MLXIP: variants seen among roughly 807,000 people sequenced by gnomAD.
The protein encoded by MLXIP is MLX interacting protein, also known as MLX-interacting protein.
In MLXIP, 30 loss-of-function variants were observed where a neutral mutation model predicts 87.2. The observed-to-expected ratio is 0.34, with a 90% confidence interval of 0.26 to 0.47. MLXIP has a LOEUF of 0.47. Among genes scored for constraint, MLXIP ranks in the 20% least tolerant of loss-of-function variants. MLXIP has a pLI of 1.00. For missense variants in MLXIP, 1,002 were observed against 1,240.1 expected (o/e 0.81, Z 2.88); for synonymous variants, 530 against 514.0 (o/e 1.03, Z -0.42).
chr12:122,104,163 G>A (rs895569455), intron 1 of MLXIP, among the ~76,000 whole-genome samples: 1 of 152,128 alleles, frequency 6.6e-6, no homozygotes, highest in Admixed American at 6.6e-5. Context: ...CTCTATTAAG[G>A]TATAATATGT....
chr12:122,091,012 T>A, intron 1 of MLXIP, among the ~76,000 whole-genome samples: 1 of 151,972 alleles, frequency 6.6e-6, no homozygotes, highest in East Asian at 1.9e-4. Context: ...GAGGCTGTGA[T>A]GAAAATGTTC....
chr12:122,129,251 G>A, intron 4 of MLXIP, 25 bp downstream of exon 4: 1 of 1,580,152 alleles, frequency 6.3e-7, no homozygotes, highest in Non-Finnish European at 8.6e-7. Context: ...TGTTCAGGCA[G>A]CCCGCCTAGG....
intron 1 of MLXIP, among the ~76,000 whole-genome samples, chr12:122,113,395 G>A (rs754642709): frequency 3.3e-5 from 5 of 151,860 alleles, no homozygotes. Flanking sequence ...AGCCTCCCGA[G>A]TAGCTGGGAC....
intron 15 of MLXIP, among the ~76,000 whole-genome samples, chr12:122,140,053 G>T (rs1953169937): frequency 6.6e-6 from 1 of 152,170 alleles, no homozygotes; most frequent in South Asian, 2.1e-4. Flanking sequence ...GCCTGCCCTG[G>T]TCCTGATCCC....
intron 1 of MLXIP, among the ~76,000 whole-genome samples, chr12:122,126,853 G>A (rs988491560): frequency 6.6e-6 from 1 of 152,204 alleles, no homozygotes; most frequent in Non-Finnish European, 1.5e-5. Flanking sequence ...CTGGTCAAAT[G>A]TGAATAACAA....
In MLXIP at chr12:122,133,273, C is replaced by G. The variant is rs1357949024; in HGVS notation, c.1093-75C>G. ...CCAGCGCCCGGCCTGTGTAGTTGGA[C>G]TTGGCAGTGTGCAGCGCTAGAAAGG... On this transcript the variant is annotated intron_variant, in intron 8 of 16. Transcript: ENST00000319080. This position sits in a 1 kb window ranked among gnomAD's most constrained non-coding sequence, Gnocchi z 4.9. The G allele has an allele frequency of 2.7e-6, 4 of 1,488,566 alleles. No homozygotes were observed. The highest frequency in any genetic ancestry group is 3.6e-6 in the Non-Finnish European group (4 of 1,119,870). 92.2% of individuals were successfully genotyped at this position (1,488,566 alleles called of 1,614,324 possible). A position where few individuals can be genotyped will look rare whatever the true frequency, so the allele number is the denominator to read the frequency against.
chr12:122,095,495 C>T (rs1952338436), intron 1 of MLXIP, among the ~76,000 whole-genome samples: 1 of 152,008 alleles, frequency 6.6e-6, no homozygotes, highest in Non-Finnish European at 1.5e-5. Context: ...TATTTATCCG[C>T]CACACAGTGC....
chr12:122,117,710 A>AG (rs1279458988), intron 1 of MLXIP, among the ~76,000 whole-genome samples: 1 of 152,096 alleles, frequency 6.6e-6, no homozygotes, highest in South Asian at 2.1e-4. Flanking sequence ...CCCTTATCTG[A>AG]GGGGGTGTGT....
At chr12:122,129,461 A>G in intron 4 of MLXIP, 127 bp from the exon 5 acceptor site, 1 of 1,125,652 alleles carries the variant, frequency 8.9e-7, no homozygotes, top group Non-Finnish European at 1.3e-6. Flanking sequence ...TCCTTTGTGC[A>G]GGCATCGGCC....
At chr12:122,079,819 G>A (rs1056191826) in intron 1 of MLXIP, among the ~76,000 whole-genome samples, 5 of 152,242 alleles carry the variant, frequency 3.3e-5, no homozygotes, top group African/African-American at 1.2e-4. Flanking sequence ...CCAGAGTTAG[G>A]TGTCCCTGCA....
At chr12:122,097,054 T>G (rs1313346071) in intron 1 of MLXIP, among the ~76,000 whole-genome samples, 1 of 152,246 alleles carries the variant, frequency 6.6e-6, no homozygotes, top group East Asian at 1.9e-4. Context: ...GCAGCCTTGC[T>G]TCTCAGCTGC....
At chr12:122,112,414 G>A (rs1180161839) in intron 1 of MLXIP, among the ~76,000 whole-genome samples, 2 of 152,094 alleles carry the variant, frequency 1.3e-5, no homozygotes, top group African/African-American at 4.8e-5. Flanking sequence ...CAAGGCAGGC[G>A]GATCACAAGG....
intron 1 of MLXIP, among the ~76,000 whole-genome samples, chr12:122,116,069 C>CAA (rs1952686732): frequency 1.3e-5 from 2 of 151,708 alleles, no homozygotes; most frequent in South Asian, 4.2e-4. Flanking sequence ...CACACACACA[C>CAA]ACACACACAC....
At chr12:122,120,722 C>A (rs1952764956) in intron 1 of MLXIP, among the ~76,000 whole-genome samples, 1 of 152,178 alleles carries the variant, frequency 6.6e-6, no homozygotes, top group African/African-American at 2.4e-5. Context: ...CCTCCACCCC[C>A]TCTTCAGGAG....
Position 122,135,461 on chromosome 12 carries a change from G to GA in MLXIP, c.1855-28_1855-27insA. ...CGCCCTGCTGTATATCAGCAGTCAG[G>GA]GGTGACCTGTCTCCCATGTCACTGC... On this transcript the variant is annotated intron_variant, in intron 10 of 16. Transcript: ENST00000319080. The surrounding 1 kb of genome is among the most constrained non-coding windows in gnomAD (Gnocchi z 5.3). 2.5e-6 allele frequency: 4 copies of GA among 1,609,392 alleles called. No homozygotes were observed. Among genetic ancestry groups the GA allele is most frequent in the Non-Finnish European group, 3.4e-6 (4 of 1,178,178 alleles).
rs755199853 is a variant in MLXIP at position 122,127,958 on chromosome 12, G to A, written c.596G>A (p.Arg199His). The A allele has an allele frequency of 8.1e-6, 13 of 1,613,328 alleles. No homozygotes were observed. Among genetic ancestry groups the A allele is most frequent in the African/African-American group, 2.7e-5 (2 of 75,054 alleles). The change falls in exon 3 of 17, where the codon CGC becomes CAC. Residue 199 changes from arginine (R) to histidine (H), a missense_variant. By Grantham distance (29) the Arg-to-His change is conservative. Around this residue, in one of 3 missense-constraint regions of MLXIP, gnomAD observed 127 missense variants for 239.0 expected, o/e 0.53. Coordinates refer to ENST00000319080, the MANE Select transcript of MLXIP (RefSeq NM_014938.6). The stretch of plus-strand genomic sequence containing the variant: ...GGCTCTGTGGACGTAGACGAGCACC[G>A]CCGGCCGGAGGTACTTGGCAGTGAC... Reference protein sequence around the residue: ...LDGSVDVDEHRRPEAITTEGK... With the variant: ...LDGSVDVDEHHRPEAITTEGK...
At chr12:122,116,638 T>C (rs1352293318) in intron 1 of MLXIP, among the ~76,000 whole-genome samples, 1 of 152,204 alleles carries the variant, frequency 6.6e-6, no homozygotes, top group African/African-American at 2.4e-5. Context: ...CCCCTGCCCC[T>C]GCCTGAAAGT....
intron 15 of MLXIP, among the ~76,000 whole-genome samples, chr12:122,139,445 C>T (rs1303446239): frequency 6.6e-6 from 1 of 152,220 alleles, no homozygotes; most frequent in Non-Finnish European, 1.5e-5. Context: ...TTCCAGGTGG[C>T]AGCACGGCTC....
chr12:122,079,163 A>C lies in MLXIP; in HGVS notation c.310A>C (p.Lys104Gln), dbSNP rs1952055328. The C allele has an allele frequency of 1.3e-6, 2 of 1,550,798 alleles. No homozygotes were observed. The highest frequency in any genetic ancestry group is 2.4e-5 in the South Asian group (2 of 84,038). ...GGGCTACGATTTCGACACGGTCAACAAACAGACGTGCCAGACCTACAGCTT... is the reference window on the plus strand; with the variant it reads ...GGGCTACGATTTCGACACGGTCAACCAACAGACGTGCCAGACCTACAGCTT... ...KKGYDFDTVN[K>Q]QTCQTYSFGK... The change falls in exon 1 of 17, where the codon AAA becomes CAA. Residue 104 changes from lysine to glutamine, a missense_variant. Lys to Gln is a moderately conservative substitution (Grantham distance 53). This residue lies in a region of MLXIP where 127 missense variants were observed against 239.0 expected (regional missense o/e 0.53). Coordinates refer to ENST00000319080, the MANE Select transcript of MLXIP (RefSeq NM_014938.6).
Sources: gnomAD v4.1 joint callset for allele counts (sites outside exome capture counted in the v4.1 genomes callset) on GRCh38, gnomAD v4.1.1 for gene constraint, gnomAD v4.1.1 regional missense constraint, Gnocchi (gnomAD v3.1) non-coding constraint, MANE v1.5 for transcripts, NCBI Gene and HGNC (gene_info 2026-07-23, HGNC 2026-07-21) for gene names.